Variants in FBXO16 observed in about 807,000 individuals in gnomAD.
FBXO16 encodes F-box protein 16.
In FBXO16, 31 loss-of-function variants were observed where a neutral mutation model predicts 41.0. The observed-to-expected ratio is 0.76, with a 90% CI of 0.57 to 1.02. The LOEUF (loss-of-function observed/expected upper bound fraction) is 1.02. Ranked by LOEUF, FBXO16 falls within the 50% of genes least tolerant of loss-of-function variation. The pLI, the probability that FBXO16 is intolerant of heterozygous loss-of-function variation, is 0.00. For missense variants in FBXO16, 361 were observed against 346.2 expected (o/e 1.04, Z -0.34); for synonymous variants, 133 against 117.8 (o/e 1.13, Z -0.84).
At chr8:28,462,189 C>T (rs1314905372) in intron 4 of FBXO16, among the ~76,000 whole-genome samples, 1 of 152,116 alleles carries the variant, frequency 6.6e-6, no homozygotes, top group African/African-American at 2.4e-5. Flanking sequence ...ATCCTCCCAC[C>T]TTGGCCTCCC....
At chr8:28,469,804 G>C (rs1803302204) in intron 3 of FBXO16, among the ~76,000 whole-genome samples, 1 of 152,118 alleles carries the variant, frequency 6.6e-6, no homozygotes. Flanking sequence ...AGGAGGCTGA[G>C]GTAGGTGAAT....
At chr8:28,448,267 G>A (rs766583095) in intron 6 of FBXO16, among the ~76,000 whole-genome samples, 1 of 150,722 alleles carries the variant, frequency 6.6e-6, no homozygotes, top group Non-Finnish European at 1.5e-5. Flanking sequence ...CTTGAGCCCT[G>A]GAGGTCCAAG....
chr8:28,452,511 C>CTA (rs891970706), intron 5 of FBXO16, 35 bp from the exon 6 acceptor site: 1 of 1,598,936 alleles, frequency 6.3e-7, no homozygotes, highest in Non-Finnish European at 8.5e-7. Context: ...TCTCAAAACA[C>CTA]TATAATACGC....
chr8:28,475,886 A>C lies in FBXO16; in HGVS notation c.100-2079T>G, dbSNP rs555442527. Among the ~76,000 whole-genome samples, 191 of 152,308 alleles carry C rather than the reference A, an allele frequency of 1.3e-3. 1 individual carries two copies. Among genetic ancestry groups the C allele is most frequent in the African/African-American group, 4.3e-3 (179 of 41,568 alleles). On this transcript the variant is annotated intron_variant, in intron 2 of 8. Transcript: ENST00000380254. ...CTAAAGGTCTTTTTGTTCGATTCCC[A>C]TATTTTAGAAAGGATAAGCAGAGGA...
At chr8:28,460,454 G>A (rs1475826799) in intron 4 of FBXO16, among the ~76,000 whole-genome samples, 22 of 75,390 alleles carry the variant, frequency 2.9e-4, no homozygotes, top group Admixed American at 1.9e-3. Context: ...TTGAGACAGC[G>A]TCTCACTTTG....
At chr8:28,474,168 C>T (rs1203361562) in intron 2 of FBXO16, among the ~76,000 whole-genome samples, 3 of 151,104 alleles carry the variant, frequency 2.0e-5, no homozygotes, top group Non-Finnish European at 4.4e-5. Flanking sequence ...TACAAAAATA[C>T]AAAAAATTAG....
At chr8:28,488,674 T>C (rs1803641547) in intron 1 of FBXO16, among the ~76,000 whole-genome samples, 1 of 152,086 alleles carries the variant, frequency 6.6e-6, no homozygotes, top group South Asian at 2.1e-4. Context: ...GTGTTAGGGG[T>C]ACAACGATAA....
intron 4 of FBXO16, among the ~76,000 whole-genome samples, chr8:28,460,223 G>GTA (rs1408340610): frequency 1.4e-3 from 129 of 89,772 alleles, no homozygotes; most frequent in East Asian, 2.4e-3. Context: ...ATATATGTGT[G>GTA]TGTATATATA....
At chr8:28,472,941 G>GT (rs977607005) in intron 3 of FBXO16, among the ~76,000 whole-genome samples, 3 of 152,088 alleles carry the variant, frequency 2.0e-5, no homozygotes, top group South Asian at 4.1e-4. Context: ...CCAAGGTCCA[G>GT]TTTTTTTCCC....
chr8:28,456,125 C>A (rs1339672305), intron 5 of FBXO16, among the ~76,000 whole-genome samples: 1 of 152,060 alleles, frequency 6.6e-6, no homozygotes, highest in Non-Finnish European at 1.5e-5. Flanking sequence ...ATAAAATTTT[C>A]CCATAAATTA....
At chr8:28,445,264 T>C (rs113614167) in intron 7 of FBXO16, among the ~76,000 whole-genome samples, 6 of 152,342 alleles carry the variant, frequency 3.9e-5, no homozygotes, top group African/African-American at 1.4e-4. Context: ...CTGGTTTCCC[T>C]TTCAGGCTTA....
At chr8:28,436,043 G>C (rs1203271996) in intron 7 of FBXO16, among the ~76,000 whole-genome samples, 1 of 152,186 alleles carries the variant, frequency 6.6e-6, no homozygotes, top group African/African-American at 2.4e-5. Flanking sequence ...CTAAAGCATA[G>C]GTTGGGGGCT....
chr8:28,438,658 T>C (rs1042908942), intron 7 of FBXO16, among the ~76,000 whole-genome samples: 8 of 152,240 alleles, frequency 5.3e-5, no homozygotes, highest in African/African-American at 1.7e-4. Flanking sequence ...TCAGTGACGT[T>C]CGTTAGTCTT....
intron 7 of FBXO16, among the ~76,000 whole-genome samples, chr8:28,439,582 A>G (rs978369088): frequency 5.3e-5 from 8 of 151,516 alleles, no homozygotes; most frequent in African/African-American, 1.7e-4. Flanking sequence ...TACAAAAAAT[A>G]CCCCCAAAAA....
chr8:28,478,821 CAA>C (rs35959759), intron 2 of FBXO16, among the ~76,000 whole-genome samples: 38,479 of 117,830 alleles, frequency 0.33, 5,709 homozygotes, highest in African/African-American at 0.42. Context: ...ATTCTGTCTC[CAA>C]AAAAAAAAAA....
At position 28,483,372 on chromosome 8, in the gene FBXO16, T is replaced by C. The variant is rs1803546678; in HGVS notation, c.75A>G (p.Leu25=). Residue 25 remains leucine, a synonymous_variant, in exon 2 of 9, where the codon CTA becomes CTG. Transcript: ENST00000380254. ...CCCGGTCATTCAATAGCTGATGGTT[T>C]AGGGGTGTCCAGGTGCTCATCTTTG... The part of the protein sequence containing the change: ...MQTKMSTWTP[L]NHQLLNDRVF... The C allele has an allele frequency of 6.2e-7, 1 of 1,614,176 alleles. No homozygotes were observed. The highest frequency in any genetic ancestry group is 8.5e-7 in the Non-Finnish European group (1 of 1,180,016).
intron 2 of FBXO16, among the ~76,000 whole-genome samples, chr8:28,477,368 G>C (rs2130189884): frequency 6.6e-6 from 1 of 152,316 alleles, no homozygotes; most frequent in South Asian, 2.1e-4. Flanking sequence ...CTTTTGGCCA[G>C]CTGTCTCCTC....
rs566570209 is a variant in FBXO16, at chr8:28,465,868, G to A, written c.136-2050C>T. Among the ~76,000 whole-genome samples, 4 of 152,098 alleles carry A rather than the reference G, an allele frequency of 2.6e-5. No individual in the cohort carries two copies. In the South Asian group the frequency reaches 8.3e-4, roughly 32 times the overall value. On this transcript the variant is annotated intron_variant, in intron 3 of 8. Transcript: ENST00000380254. Reference sequence around the variant, plus strand: ...TTAATTTAAACTGGCACTTTTTAAAGTTCAGTTTGATTACGTGAGAGTGCC... The same window carrying A: ...TTAATTTAAACTGGCACTTTTTAAAATTCAGTTTGATTACGTGAGAGTGCC...
intron 2 of FBXO16, among the ~76,000 whole-genome samples, chr8:28,474,750 T>G (rs965113826): frequency 3.3e-5 from 5 of 152,236 alleles, no homozygotes; most frequent in African/African-American, 9.6e-5. Context: ...AGAAACTAAG[T>G]CTTATTCATC....
Sources: allele counts gnomAD v4.1 joint callset (sites outside exome capture counted in the v4.1 genomes callset), GRCh38; gene constraint gnomAD v4.1.1; transcripts MANE v1.5; gene names NCBI Gene and HGNC (gene_info 2026-07-23, HGNC 2026-07-21).